The following ATP8A2 variants were observed in gnomAD, a reference collection of about 807,000 sequenced individuals.
ATP8A2 encodes ATPase phospholipid transporting 8A2, also known as phospholipid-transporting ATPase IB.
In ATP8A2, 100 loss-of-function variants were observed where a neutral mutation model predicts 165.6. That is an observed-to-expected ratio of 0.60 (90% confidence interval 0.51 to 0.71). ATP8A2 has a LOEUF of 0.71. Ranked by LOEUF, ATP8A2 falls within the 30% of genes least tolerant of loss-of-function variation. The pLI is 0.00. For missense variants in ATP8A2, 1,227 were observed against 1,479.5 expected (o/e 0.83, Z 2.80); for synonymous variants, 543 against 548.8 (o/e 0.99, Z 0.15).
At chr13:25,760,802 A>G (rs1331327567) in intron 25 of ATP8A2, among the ~76,000 whole-genome samples, 1 of 152,202 alleles carries the variant, frequency 6.6e-6, no homozygotes, top group African/African-American at 2.4e-5. Context: ...GAAGAGCTCA[A>G]ATTCTGTTTT....
intron 27 of ATP8A2, among the ~76,000 whole-genome samples, chr13:25,812,312 G>A (rs904834167): frequency 6.7e-6 from 1 of 149,372 alleles, no homozygotes; most frequent in Admixed American, 6.7e-5. Context: ...CTCTCCTCCA[G>A]TCCCTATCTG....
chr13:25,641,836 C>T (rs150250437), intron 24 of ATP8A2, among the ~76,000 whole-genome samples: 13,461 of 76,806 alleles, frequency 0.18, 652 homozygotes, highest in Non-Finnish European at 0.2. Flanking sequence ...AGGCGTCACG[C>T]TACCTGACTT....
chr13:25,542,188 CT>C, intron 9 of ATP8A2, 142 bp downstream of exon 9: 1 of 943,222 alleles, frequency 1.1e-6, no homozygotes, highest in Non-Finnish European at 1.5e-6. Flanking sequence ...TAAAGCCTTC[CT>C]TAGATTTAAG....
chr13:25,500,468 A>G (rs2036820205), intron 2 of ATP8A2, among the ~76,000 whole-genome samples: 1 of 152,254 alleles, frequency 6.6e-6, no homozygotes, highest in African/African-American at 2.4e-5. Flanking sequence ...GACAGGGATT[A>G]TCTCCATAAT....
intron 1 of ATP8A2, among the ~76,000 whole-genome samples, chr13:25,426,531 A>T (rs2034452397): frequency 6.6e-6 from 1 of 152,172 alleles, no homozygotes; most frequent in African/African-American, 2.4e-5. Flanking sequence ...GGATTTTGAG[A>T]GCAGTAGAAC....
rs376207799 is a variant in ATP8A2, at chr13:25,961,598, A to G, written c.3207A>G (p.Ala1069=). 5 of 1,614,112 alleles carry G rather than the reference A, an allele frequency of 3.1e-6. No homozygotes were observed. The highest frequency in any genetic ancestry group is 1.7e-4 in the Middle Eastern group (1 of 6,058). Residue 1069 remains alanine, a synonymous_variant, in exon 34 of 37, where the codon GCA becomes GCG. Coordinates refer to ENST00000381655, the MANE Select transcript of ATP8A2 (RefSeq NM_016529.6). ...AGGCAACTATGGTCCTGAGCTCCGC[A>G]CACTTCTGGTTGGGATTATTTCTGG... ...RGQATMVLSS[A]HFWLGLFLVP...
At chr13:25,457,418 T>C (rs996138712) in intron 1 of ATP8A2, among the ~76,000 whole-genome samples, 3 of 152,208 alleles carry the variant, frequency 2.0e-5, no homozygotes, top group African/African-American at 7.2e-5. Context: ...TAGATAAGGA[T>C]CATATTAATG....
chr13:25,880,106 G>A (rs1418523728), intron 33 of ATP8A2, among the ~76,000 whole-genome samples: 1 of 152,184 alleles, frequency 6.6e-6, no homozygotes, highest in Non-Finnish European at 1.5e-5. Context: ...ATGGGGTACT[G>A]TTTTGGGCAC....
At chr13:25,800,691 G>A (rs993340569) in intron 27 of ATP8A2, among the ~76,000 whole-genome samples, 2 of 152,068 alleles carry the variant, frequency 1.3e-5, no homozygotes, top group African/African-American at 4.8e-5. Flanking sequence ...TAACTCCCTG[G>A]GCGATCGCCG....
chr13:25,946,760 T>C (rs1175627202), intron 33 of ATP8A2, among the ~76,000 whole-genome samples: 1 of 152,162 alleles, frequency 6.6e-6, no homozygotes. Context: ...TTTGTTTTGT[T>C]TTTTTGAGAC....
chr13:25,932,091 T>G (rs1954783829), intron 33 of ATP8A2, among the ~76,000 whole-genome samples: 1 of 149,498 alleles, frequency 6.7e-6, no homozygotes, highest in South Asian at 2.1e-4. Flanking sequence ...AGCTGGAGAG[T>G]TGAGGTTTGG....
intron 24 of ATP8A2, among the ~76,000 whole-genome samples, chr13:25,593,533 A>G (rs938597737): frequency 1.3e-5 from 2 of 152,198 alleles, no homozygotes; most frequent in Non-Finnish European, 2.9e-5. Context: ...ATGATATATT[A>G]AAATGCTGGA....
chr13:25,657,999 A>C (rs917678867), intron 24 of ATP8A2, among the ~76,000 whole-genome samples: 1 of 152,188 alleles, frequency 6.6e-6, no homozygotes, highest in Non-Finnish European at 1.5e-5. Flanking sequence ...TCATCTTCTA[A>C]AGAATTTCAG....
intron 24 of ATP8A2, among the ~76,000 whole-genome samples, chr13:25,611,781 G>T (rs1224913260): frequency 6.6e-6 from 1 of 151,778 alleles, no homozygotes; most frequent in African/African-American, 2.4e-5. Context: ...ATTTTTTGTT[G>T]GCAATTTTTA....
chr13:25,918,457 G>GA (rs1298288884), intron 33 of ATP8A2, among the ~76,000 whole-genome samples: 1 of 152,052 alleles, frequency 6.6e-6, no homozygotes, highest in Non-Finnish European at 1.5e-5. Flanking sequence ...GATTAAACAA[G>GA]AAAAAAGCCA....
At chr13:25,908,791 C>G (rs913738186) in intron 33 of ATP8A2, among the ~76,000 whole-genome samples, 1 of 152,222 alleles carries the variant, frequency 6.6e-6, no homozygotes, top group African/African-American at 2.4e-5. Flanking sequence ...TGCTCATGAT[C>G]CTGGTTCCAT....
chr13:25,541,787 G>C (rs2038485348), intron 8 of ATP8A2, 132 bp from the exon 9 acceptor site: 8 of 914,666 alleles, frequency 8.7e-6, no homozygotes, highest in Non-Finnish European at 1.1e-5. Context: ...CTGACAGTTT[G>C]ACTTGTTAGC....
intron 25 of ATP8A2, among the ~76,000 whole-genome samples, chr13:25,719,467 G>A (rs9581439): frequency 0.06 from 9,003 of 149,842 alleles, 856 homozygotes; most frequent in African/African-American, 0.21. Flanking sequence ...GGGTGGATGG[G>A]TGGATGGATG....
intron 8 of ATP8A2, among the ~76,000 whole-genome samples, chr13:25,540,689 A>G (rs1380188835): frequency 6.6e-6 from 1 of 152,130 alleles, no homozygotes; most frequent in African/African-American, 2.4e-5. Flanking sequence ...TGGGAAGGAC[A>G]CAGCTTAGTG....
Sources: allele counts gnomAD v4.1 joint callset (sites outside exome capture counted in the v4.1 genomes callset), GRCh38; gene constraint gnomAD v4.1.1; transcripts MANE v1.5; gene names NCBI Gene and HGNC (gene_info 2026-07-23, HGNC 2026-07-21).